Variants in ARID1B observed in about 807,000 individuals in gnomAD.
ARID1B encodes AT-rich interactive domain-containing protein 1B.
Under a neutral mutation model 212.3 loss-of-function variants are expected in ARID1B, and 30 were observed. That is an observed-to-expected ratio of 0.14 (90% CI 0.11 to 0.19). The LOEUF is 0.19. Among genes scored for constraint, ARID1B ranks in the 10% least tolerant of loss-of-function variants. The probability of loss-of-function intolerance (pLI) is 1.00; values close to 1 mark genes in which losing one functional copy is unlikely to be tolerated. For missense variants in ARID1B, 2,891 were observed against 3,204.0 expected (o/e 0.90, Z 2.36); for synonymous variants, 1,402 against 1,301.7 (o/e 1.08, Z -1.66).
chr6:157,137,599 T>G (rs929930848), intron 7 of ARID1B, among the ~76,000 whole-genome samples: 1 of 152,236 alleles, frequency 6.6e-6, no homozygotes, highest in Non-Finnish European at 1.5e-5. Flanking sequence ...AGAAATACTT[T>G]TTGCATGTTG....
At chr6:156,818,956 C>A (rs1170561614) in intron 1 of ARID1B, among the ~76,000 whole-genome samples, 1 of 151,104 alleles carries the variant, frequency 6.6e-6, no homozygotes, top group Non-Finnish European at 1.5e-5. Context: ...AAAAAAAAAA[C>A]CTGTTATGTA....
chr6:157,062,825 T>C (rs1783435446), intron 4 of ARID1B, among the ~76,000 whole-genome samples: 2 of 151,600 alleles, frequency 1.3e-5, no homozygotes, highest in Non-Finnish European at 2.9e-5. Context: ...TGCCTCAGCC[T>C]CCCGAGCAGC....
chr6:156,777,690 C>CGGGCAGCAGCGG lies in ARID1B; in HGVS notation c.11_22dup (p.Ala7_Ala8insGlyAlaAlaAla), dbSNP rs1778711977. ...CCACGCCGCGGCGATCATGGCCGCG[C>CGGGCAGCAGCGG]GGGCAGCAGCGGCGGCGGCGGCGGC... is the stretch of plus-strand genomic sequence containing the variant. On this transcript the variant is annotated inframe_insertion, in exon 1 of 20. Transcript: ENST00000636930. 6.8e-6 allele frequency: 1 copy of CGGGCAGCAGCGG among 146,592 alleles called. No homozygotes were observed. The highest frequency in any genetic ancestry group is 1.5e-5 in the Non-Finnish European group (1 of 66,692). The allele number at this position is 146,592 out of a possible 1,614,324, so 9.1% of individuals were successfully genotyped here. A position where few individuals can be genotyped will look rare whatever the true frequency, so the allele number is the denominator to read the frequency against.
At chr6:156,829,492 G>C (rs2128047978) in intron 2 of ARID1B, 71 bp downstream of exon 2, 1 of 1,443,830 alleles carries the variant, frequency 6.9e-7, no homozygotes. Flanking sequence ...GTCCACCTAA[G>C]ATTGATGTTA....
At chr6:156,982,635 G>C (rs7741196) in intron 4 of ARID1B, among the ~76,000 whole-genome samples, 82,337 of 151,678 alleles carry the variant, frequency 0.54, 22,830 homozygotes, top group East Asian at 0.66. Flanking sequence ...TGTTTTCTGC[G>C]TGGGAGATAA....
intron 2 of ARID1B, chr6:156,870,283 C>G (rs371677754): frequency 2.0e-5 from 3 of 152,332 alleles, no homozygotes; most frequent in South Asian, 2.1e-4. Context: ...TTTGCCTCCC[C>G]CCGGTCGTCA....
chr6:156,779,033 G>A lies in ARID1B; in HGVS notation c.1353G>A (p.Leu451=), dbSNP rs1778960794. Residue 451 remains leucine, a synonymous_variant, in exon 1 of 20, where the codon CTG becomes CTA. Transcript: ENST00000636930. ...GCTCGTCCGCGGGGTACGGGGTGCT[G>A]AGCTCCCCCCGGCAGCAGGGCGGCG... is the stretch of plus-strand genomic sequence containing the variant. ...YGGSSAGYGV[L]SSPRQQGGGM... 1.6e-6 allele frequency: 2 copies of A among 1,236,116 alleles called. No homozygotes were observed. Among genetic ancestry groups the A allele is most frequent in the East Asian group, 3.3e-5 (1 of 30,288 alleles). 76.6% of individuals were successfully genotyped at this position (1,236,116 alleles called of 1,614,324 possible).
At chr6:157,099,401 C>T (rs6936439) in intron 5 of ARID1B, among the ~76,000 whole-genome samples, 2,035 of 152,192 alleles carry the variant, frequency 0.013, 46 homozygotes, top group African/African-American at 0.045. Flanking sequence ...GAAGGTATCT[C>T]CCCAAAAGGG....
At position 157,180,988 on chromosome 6, in the gene ARID1B, C is replaced by T. The variant is rs906441540; in HGVS notation, c.3524C>T (p.Thr1175Ile). ...PSSPKSSSST[T>I]TGEKITKVYE... is the part of the protein sequence containing the mutation. ...TACTAGAAGTCCAGCTCCTCCACCA[C>T]TACTGGGGAGAAGATCACGAAGGTG... The change falls in exon 12 of 20, where the codon ACT becomes ATT. Residue 1175 changes from threonine (T) to isoleucine (I), a missense_variant. Transcript: ENST00000636930. 4.3e-6 allele frequency: 7 copies of T among 1,613,762 alleles called. No homozygotes were observed. The African/African-American group carries it at 8.0e-5, about 18-fold the overall frequency.
rs1185141685 is a variant in ARID1B at position 157,110,606 on chromosome 6, C to T, written c.2581+45C>T. ...CTTACATGCCTATAGTGCTTTCAGG[C>T]GATAAGGCGTACGTGAGTTTGCTTA... On this transcript the variant is annotated intron_variant, in intron 6 of 19. Transcript: ENST00000636930. The T allele has an allele frequency of 5.1e-6, 8 of 1,574,994 alleles. No homozygotes were observed. In the East Asian group the frequency reaches 6.7e-5, roughly 13 times the overall value.
chr6:156,972,185 A>G (rs926321848), intron 4 of ARID1B, among the ~76,000 whole-genome samples: 8 of 152,256 alleles, frequency 5.3e-5, no homozygotes, highest in African/African-American at 1.9e-4. Context: ...GAAAATTACA[A>G]GACATAATTC....
At chr6:157,119,400 T>A (rs1176301200) in intron 6 of ARID1B, among the ~76,000 whole-genome samples, 1 of 152,210 alleles carries the variant, frequency 6.6e-6, no homozygotes, top group Non-Finnish European at 1.5e-5. Flanking sequence ...GGCCTGTCCT[T>A]ATCCAGCCCC....
chr6:157,149,293 C>A, intron 8 of ARID1B: 1 of 263,772 alleles, frequency 3.8e-6, no homozygotes, highest in Admixed American at 4.7e-5. Context: ...GACTTTTAAG[C>A]AGGAAATACG....
chr6:157,149,223 C>T (rs537922076), intron 8 of ARID1B: 5 of 438,948 alleles, frequency 1.1e-5, no homozygotes, highest in Admixed American at 1.1e-4. Context: ...ATAGTCATTG[C>T]AGCAGCAAAC....
intron 3 of ARID1B, among the ~76,000 whole-genome samples, chr6:156,923,601 G>A (rs1790976959): frequency 6.6e-6 from 1 of 152,094 alleles, no homozygotes; most frequent in South Asian, 2.1e-4. Context: ...ACTTAGGAGA[G>A]TACCTGATAG....
intron 6 of ARID1B, among the ~76,000 whole-genome samples, chr6:157,116,321 G>C (rs1441150159): frequency 1.3e-5 from 2 of 151,896 alleles, no homozygotes; most frequent in Non-Finnish European, 2.9e-5. Flanking sequence ...GACAGATGTA[G>C]AGAGGTCAAA....
chr6:157,110,367 T>C, intron 5 of ARID1B, 105 bp from the exon 6 acceptor site: 1 of 952,526 alleles, frequency 1.0e-6, no homozygotes, highest in Non-Finnish European at 1.7e-6. Context: ...GGGCTATACC[T>C]TTTGTGATCA....
At chr6:156,921,380 G>T (rs191647470) in intron 3 of ARID1B, among the ~76,000 whole-genome samples, 2 of 147,048 alleles carry the variant, frequency 1.4e-5, no homozygotes, top group East Asian at 4.1e-4. Context: ...TTTCCCAAAT[G>T]GAAATTTGAC....
chr6:157,194,246 C>A (rs1255256241), intron 15 of ARID1B: 2 of 152,100 alleles, frequency 1.3e-5, no homozygotes, highest in East Asian at 1.9e-4. Flanking sequence ...CACGTGATTT[C>A]TTTCTATCTC....
Sources: allele counts gnomAD v4.1 joint callset (sites outside exome capture counted in the v4.1 genomes callset), GRCh38; gene constraint gnomAD v4.1.1; transcripts MANE v1.5; gene names NCBI Gene and HGNC (gene_info 2026-07-23, HGNC 2026-07-21).